The following XYLB variants were observed in gnomAD, a reference collection of about 807,000 sequenced individuals.
XYLB encodes the protein xylulose kinase.
XYLB carries 62 observed loss-of-function variants against 78.7 expected under a neutral mutation model. That is an observed-to-expected ratio of 0.79 (90% CI 0.64 to 0.97). The LOEUF is 0.97. Ranked by LOEUF, XYLB falls within the 50% of genes least tolerant of loss-of-function variation. XYLB has a pLI of 0.00. For missense variants in XYLB, 687 were observed against 676.8 expected (o/e 1.02, Z -0.17); for synonymous variants, 245 against 247.4 (o/e 0.99, Z 0.09).
At position 38,400,889 on chromosome 3, in the gene XYLB, A is replaced by G; in HGVS notation, c.1439-2A>G. ...TAATGTGAAGTGACCTTTCCCTTCTAGGTCTTGCAGGTGGAACAGATGTGC... is the reference window on the plus strand; with the variant it reads ...TAATGTGAAGTGACCTTTCCCTTCTGGGTCTTGCAGGTGGAACAGATGTGC... On this transcript the variant is annotated splice_acceptor_variant, in intron 17 of 18. Coordinates refer to ENST00000207870, the MANE Select transcript of XYLB (RefSeq NM_005108.4). LOFTEE classifies it high-confidence loss of function. 1 of 1,613,570 alleles carries G rather than the reference A, an allele frequency of 6.2e-7. No individual in the cohort carries two copies. Among genetic ancestry groups the G allele is most frequent in the Non-Finnish European group, 8.5e-7 (1 of 1,179,780 alleles).
intron 2 of XYLB, among the ~76,000 whole-genome samples, chr3:38,354,803 CTGT>C (rs1705560192): frequency 6.6e-6 from 1 of 152,186 alleles, no homozygotes; most frequent in African/African-American, 2.4e-5. Flanking sequence ...CACACCCAGC[CTGT>C]TGTTAATATT....
In XYLB at chr3:38,366,872, A is replaced by G; in HGVS notation, c.572A>G (p.Glu191Gly). 6.2e-7 allele frequency: 1 copy of G among 1,605,214 alleles called. No individual in the cohort carries two copies. The highest frequency in any genetic ancestry group is 1.3e-5 in the African/African-American group (1 of 74,884). Residue 191 changes from glutamate to glycine, a missense_variant and splice_region_variant, in exon 7 of 19, where the codon GAG becomes GGG. Glu to Gly is a moderately conservative substitution (Grantham distance 98). Coordinates refer to ENST00000207870, the MANE Select transcript of XYLB (RefSeq NM_005108.4). ...QQNPEAYSHTERISLVSSFAA... is the reference protein window; with the variant it reads ...QQNPEAYSHTGRISLVSSFAA... ...AACCCCGAGGCCTACTCACATACGG[A>G]GGTTGGTTAAATGTTCCTGTTTGAT... is the stretch of plus-strand genomic sequence containing the variant.
intron 18 of XYLB, among the ~76,000 whole-genome samples, chr3:38,409,488 G>A (rs1708481404): frequency 6.6e-6 from 1 of 152,186 alleles, no homozygotes; most frequent in South Asian, 2.1e-4. Flanking sequence ...AGACAGGGAT[G>A]CCCTCTCTCA....
the XYLB span, among the ~76,000 whole-genome samples, chr3:38,437,742 A>G: frequency 1.3e-5 from 2 of 152,024 alleles, no homozygotes; most frequent in Non-Finnish European, 2.9e-5. Context: ...CCAGGAGTCC[A>G]AGACCAGCCT....
chr3:38,436,120 G>A, the XYLB span, among the ~76,000 whole-genome samples: 1 of 151,738 alleles, frequency 6.6e-6, no homozygotes, highest in Non-Finnish European at 1.5e-5. Context: ...AAATACAAAG[G>A]ATAAACAAAA....
At chr3:38,358,823 A>T (rs996284567) in intron 2 of XYLB, among the ~76,000 whole-genome samples, 2 of 152,214 alleles carry the variant, frequency 1.3e-5, no homozygotes, top group African/African-American at 4.8e-5. Context: ...AGTATAATTT[A>T]TGTACAAAAA....
chr3:38,445,896 C>A, the XYLB span, among the ~76,000 whole-genome samples: 14 of 152,142 alleles, frequency 9.2e-5, no homozygotes, highest in East Asian at 2.7e-3. Flanking sequence ...CAATGGTACT[C>A]ACTGCTTGAC....
intron 18 of XYLB, among the ~76,000 whole-genome samples, chr3:38,406,774 A>G (rs569274773): frequency 1.3e-5 from 2 of 152,370 alleles, no homozygotes; most frequent in South Asian, 4.1e-4. Context: ...GCTGGAAGAA[A>G]GGGTATCAGT....
intron 14 of XYLB, among the ~76,000 whole-genome samples, chr3:38,378,798 C>T (rs762601636): frequency 1.8e-4 from 27 of 149,382 alleles, no homozygotes; most frequent in Admixed American, 6.8e-4. Flanking sequence ...GGGATCTCAG[C>T]GTAAGCTCGT....
chr3:38,427,319 C>T, the XYLB span, among the ~76,000 whole-genome samples: 9 of 152,188 alleles, frequency 5.9e-5, no homozygotes, highest in African/African-American at 1.7e-4. Context: ...GGATTACAGG[C>T]GTGAGCCACT....
At chr3:38,390,403 G>T (rs1355394591) in intron 15 of XYLB, among the ~76,000 whole-genome samples, 1 of 151,950 alleles carries the variant, frequency 6.6e-6, no homozygotes, top group Non-Finnish European at 1.5e-5. Flanking sequence ...TAGTAGAGAC[G>T]GGGTTTCACC....
At chr3:38,370,339 G>A (rs919733971) in intron 9 of XYLB, 165 bp downstream of exon 9, 1 of 600,980 alleles carries the variant, frequency 1.7e-6, no homozygotes, top group Non-Finnish European at 3.0e-6. Flanking sequence ...AGCCTAAGAT[G>A]TAAGTCAGTG....
chr3:38,414,225 G>A lies in XYLB; in HGVS notation c.*1212G>A, dbSNP rs1342313036. On this transcript the variant is annotated 3_prime_UTR_variant, in exon 19 of 19. Transcript: ENST00000207870. ...TAAGACCTAGTGGCTCAGAGCAGTAGCTACTGGGAAGTTAAAAGGAAGGGG... is the reference window on the plus strand; with the variant it reads ...TAAGACCTAGTGGCTCAGAGCAGTAACTACTGGGAAGTTAAAAGGAAGGGG... 1.3e-5 allele frequency: 2 copies of A among 152,152 alleles called. No individual in the cohort carries two copies. The highest frequency in any genetic ancestry group is 2.9e-5 in the Non-Finnish European group (2 of 68,028). 9.4% of individuals were successfully genotyped at this position (152,152 alleles called of 1,614,324 possible).
At chr3:38,391,431 T>C (rs117619530) in intron 15 of XYLB, among the ~76,000 whole-genome samples, 2 of 152,324 alleles carry the variant, frequency 1.3e-5, no homozygotes, top group East Asian at 3.9e-4. Context: ...TTTTTGCCCT[T>C]TCTGAACTTC....
chr3:38,423,154 G>A (rs1417015909), downstream of XYLB, among the ~76,000 whole-genome samples: 1 of 152,080 alleles, frequency 6.6e-6, no homozygotes, highest in Admixed American at 6.6e-5. Context: ...CTCACTGCAA[G>A]CTCCGCCTCC....
the XYLB span, among the ~76,000 whole-genome samples, chr3:38,431,729 A>T: frequency 6.6e-6 from 1 of 152,208 alleles, no homozygotes; most frequent in Non-Finnish European, 1.5e-5. Context: ...TGTTTCCCCT[A>T]AGGCTGGGGA....
chr3:38,357,455 C>T (rs534248333), intron 2 of XYLB, among the ~76,000 whole-genome samples: 20 of 150,482 alleles, frequency 1.3e-4, no homozygotes, highest in East Asian at 5.9e-4. Context: ...GGCGTGATCT[C>T]GGCTCACTGC....
chr3:38,444,921 T>C, the XYLB span, among the ~76,000 whole-genome samples: 1 of 152,024 alleles, frequency 6.6e-6, no homozygotes, highest in African/African-American at 2.4e-5. Flanking sequence ...CAAGGAGGAC[T>C]GAGGAAGGTC....
At chr3:38,382,710 C>A (rs962582059) in intron 15 of XYLB, among the ~76,000 whole-genome samples, 1 of 152,244 alleles carries the variant, frequency 6.6e-6, no homozygotes, top group African/African-American at 2.4e-5. Flanking sequence ...AGAAGAGAAC[C>A]CCAGGGAACG....
Sources: allele counts gnomAD v4.1 joint callset (sites outside exome capture counted in the v4.1 genomes callset), GRCh38; gene constraint gnomAD v4.1.1; transcripts MANE v1.5; gene names NCBI Gene and HGNC (gene_info 2026-07-23, HGNC 2026-07-21).